Variants in CLHC1 observed in about 807,000 individuals in gnomAD.
CLHC1 encodes clathrin heavy chain linker domain-containing protein 1.
A neutral mutation model predicts 69.5 loss-of-function variants in CLHC1; 72 were observed. That is an observed-to-expected ratio of 1.04 (90% CI 0.86 to 1.26). CLHC1 has a LOEUF of 1.26. CLHC1 is among the 50% of genes most tolerant of loss of function. The pLI is 0.00. For missense variants in CLHC1, 790 were observed against 679.3 expected, an observed-to-expected ratio of 1.16 and a Z score of -1.81; for synonymous variants, 223 against 224.3, an observed-to-expected ratio of 0.99 and a Z score of 0.05.
intron 2 of CLHC1, among the ~76,000 whole-genome samples, chr2:55,223,229 A>T (rs1674329880): frequency 6.6e-6 from 1 of 152,168 alleles, no homozygotes; most frequent in Non-Finnish European, 1.5e-5. Flanking sequence ...CACAATAGCA[A>T]TAAATAATGT....
intron 9 of CLHC1, among the ~76,000 whole-genome samples, chr2:55,187,277 C>T (rs1327720264): frequency 5.8e-5 from 6 of 103,572 alleles, no homozygotes; most frequent in Non-Finnish European, 1.7e-5. Context: ...AAAACTCCAT[C>T]TCAAATAAAA....
chr2:55,189,994 T>A (rs1670764408), intron 9 of CLHC1, among the ~76,000 whole-genome samples: 1 of 152,050 alleles, frequency 6.6e-6, no homozygotes, highest in African/African-American at 2.4e-5. Flanking sequence ...CTTACCTATA[T>A]CCCAGAACAA....
chr2:55,217,166 G>C (rs1430793288), intron 4 of CLHC1, among the ~76,000 whole-genome samples: 1 of 151,908 alleles, frequency 6.6e-6, no homozygotes, highest in Admixed American at 6.6e-5. Context: ...CTGTACTCCA[G>C]CCTGGGCAAC....
rs1669167639 is a variant in CLHC1 at position 55,173,974 on chromosome 2, C to T, written c.*1816G>A. On this transcript the variant is annotated 3_prime_UTR_variant, in exon 13 of 13. Coordinates refer to ENST00000401408, the MANE Select transcript of CLHC1 (RefSeq NM_152385.4). ...TTTTTTTCTAAGCTCTGTCAATGGA[C>T]ACATAATAGCTTTCTATCAATCATA... Among the ~76,000 whole-genome samples the T allele has an allele frequency of 7.3e-6, 1 of 136,950 alleles. No homozygotes were observed. Among genetic ancestry groups the T allele is most frequent in the South Asian group, 2.3e-4 (1 of 4,396 alleles). 89.8% of individuals were successfully genotyped at this position (136,950 alleles called of 152,430 possible).
At chr2:55,176,643 T>A (rs1669414694) in intron 12 of CLHC1, among the ~76,000 whole-genome samples, 1 of 152,190 alleles carries the variant, frequency 6.6e-6, no homozygotes, top group African/African-American at 2.4e-5. Context: ...ATTACCTGCA[T>A]TACTTATGGT....
At chr2:55,199,493 A>C (rs985130785) in intron 9 of CLHC1, among the ~76,000 whole-genome samples, 3 of 152,100 alleles carry the variant, frequency 2.0e-5, no homozygotes, top group African/African-American at 7.2e-5. Context: ...TAAAAGATGA[A>C]CTGATCAAAA....
intron 1 of CLHC1, among the ~76,000 whole-genome samples, chr2:55,230,012 C>G (rs371173872): frequency 6.6e-6 from 1 of 152,290 alleles, no homozygotes; most frequent in East Asian, 1.9e-4. Flanking sequence ...GCAGAGTTTG[C>G]GGTGAGCCAA....
intron 12 of CLHC1, among the ~76,000 whole-genome samples, chr2:55,176,187 C>T (rs548611664): frequency 7.3e-4 from 111 of 152,310 alleles, no homozygotes; most frequent in Non-Finnish European, 1.2e-3. Context: ...CTCCTCCTCC[C>T]TTATCATTAA....
intron 9 of CLHC1, among the ~76,000 whole-genome samples, chr2:55,183,265 A>G (rs1380350504): frequency 6.6e-6 from 1 of 152,244 alleles, no homozygotes; most frequent in African/African-American, 2.4e-5. Context: ...ACTTTTGGGT[A>G]CCTAAAAATA....
chr2:55,221,829 T>G (rs541913164), intron 3 of CLHC1, among the ~76,000 whole-genome samples: 1 of 152,134 alleles, frequency 6.6e-6, no homozygotes, highest in Admixed American at 6.5e-5. Flanking sequence ...TTTTAAAAAT[T>G]AGTCAGGAGT....
At chr2:55,197,545 C>T (rs1451511649) in intron 9 of CLHC1, among the ~76,000 whole-genome samples, 3 of 152,158 alleles carry the variant, frequency 2.0e-5, no homozygotes, top group African/African-American at 4.8e-5. Context: ...TGGAGAGACT[C>T]CATTTTAGGG....
chr2:55,223,489 G>C (rs993958855), intron 2 of CLHC1, among the ~76,000 whole-genome samples: 9 of 152,116 alleles, frequency 5.9e-5, no homozygotes, highest in Non-Finnish European at 1.0e-4. Flanking sequence ...CCCGCTCGCC[G>C]GGACTGAGTT....
At chr2:55,208,511 T>G in intron 8 of CLHC1, 115 bp downstream of exon 8, 1 of 660,438 alleles carries the variant, frequency 1.5e-6, no homozygotes. Context: ...ATATCAACAT[T>G]ATAATCCTCT....
chr2:55,185,962 A>T (rs1475158619), intron 9 of CLHC1, among the ~76,000 whole-genome samples: 2 of 152,312 alleles, frequency 1.3e-5, no homozygotes, highest in African/African-American at 2.4e-5. Context: ...TTGTCTAAAA[A>T]ATAAGTATTT....
intron 3 of CLHC1, chr2:55,218,201 T>C (rs1486806798): frequency 2.7e-6 from 1 of 371,270 alleles, no homozygotes; most frequent in Non-Finnish European, 4.8e-6. Context: ...AACATTACAG[T>C]AGATAATGTG....
At chr2:55,192,154 C>G (rs1297767018) in intron 9 of CLHC1, among the ~76,000 whole-genome samples, 1 of 152,118 alleles carries the variant, frequency 6.6e-6, no homozygotes, top group Non-Finnish European at 1.5e-5. Flanking sequence ...GAGTCTTGCT[C>G]TGTCACCCAG....
intron 9 of CLHC1, among the ~76,000 whole-genome samples, chr2:55,184,965 G>T (rs1233543996): frequency 1.1e-5 from 1 of 95,172 alleles, no homozygotes; most frequent in Non-Finnish European, 2.2e-5. Context: ...CACACACAAA[G>T]ATTTCCTATA....
intron 9 of CLHC1, among the ~76,000 whole-genome samples, chr2:55,198,088 C>A (rs146545168): frequency 6.6e-6 from 1 of 152,090 alleles, no homozygotes; most frequent in Non-Finnish European, 1.5e-5. Context: ...AGTCTCTCAG[C>A]AGCAGAATTA....
chr2:55,175,716 C>G lies in CLHC1; in HGVS notation c.*74G>C, dbSNP rs1001351397. ...TCTAGATTTATTTATAAGTTAGTTA[C>G]GTTAAAATCAGTTTTTCCCAACCAG... On this transcript the variant is annotated 3_prime_UTR_variant, in exon 13 of 13. Coordinates refer to ENST00000401408, the MANE Select transcript of CLHC1 (RefSeq NM_152385.4). 2.1e-6 allele frequency: 2 copies of G among 963,772 alleles called. No homozygotes were observed. The highest frequency in any genetic ancestry group is 1.6e-6 in the Non-Finnish European group (1 of 638,678). 59.7% of individuals were successfully genotyped at this position (963,772 alleles called of 1,614,324 possible).
Sources: allele counts gnomAD v4.1 joint callset (sites outside exome capture counted in the v4.1 genomes callset), GRCh38; gene constraint gnomAD v4.1.1; transcripts MANE v1.5; gene names NCBI Gene and HGNC (gene_info 2026-07-23, HGNC 2026-07-21).